The following PPP2R5D variants were observed in gnomAD, a reference collection of about 807,000 sequenced individuals.
The protein encoded by PPP2R5D is protein phosphatase 2 regulatory subunit B'delta.
Under a neutral mutation model 79.1 loss-of-function variants are expected in PPP2R5D, and 12 were observed. That is an observed-to-expected ratio of 0.15 (90% CI 0.10 to 0.25). PPP2R5D has a LOEUF of 0.25. Among genes scored for constraint, PPP2R5D ranks in the 10% least tolerant of loss-of-function variants. The pLI, the probability that PPP2R5D is intolerant of heterozygous loss-of-function variation, is 1.00. For missense variants in PPP2R5D, 419 were observed against 760.2 expected, an observed-to-expected ratio of 0.55 and a Z score of 5.28; for synonymous variants, 277 against 286.6, an observed-to-expected ratio of 0.97 and a Z score of 0.34.
intron 2 of PPP2R5D, among the ~76,000 whole-genome samples, chr6:43,005,407 C>T (rs1389192176): frequency 6.6e-6 from 1 of 152,006 alleles, no homozygotes; most frequent in Non-Finnish European, 1.5e-5. Context: ...CCTTGAGTAG[C>T]TGGAACTCCA....
At chr6:43,000,967 C>T (rs1346331396) in intron 2 of PPP2R5D, among the ~76,000 whole-genome samples, 3 of 152,142 alleles carry the variant, frequency 2.0e-5, no homozygotes, top group Admixed American at 6.5e-5. Context: ...GGGAATGACA[C>T]ATGAAGAGAC....
intron 2 of PPP2R5D, among the ~76,000 whole-genome samples, chr6:43,001,784 G>A (rs1772227982): frequency 6.6e-6 from 1 of 151,892 alleles, no homozygotes; most frequent in South Asian, 2.1e-4. Context: ...CTACTCCGGA[G>A]GCTGAGGCAG....
At chr6:43,004,440 T>C (rs915956499) in intron 2 of PPP2R5D, among the ~76,000 whole-genome samples, 3 of 152,214 alleles carry the variant, frequency 2.0e-5, no homozygotes, top group Non-Finnish European at 2.9e-5. Flanking sequence ...TGTTCAGATA[T>C]TACTACTATT....
Position 43,009,568 on chromosome 6 carries a change from C to G in PPP2R5D, c.1379+119C>G. The G allele has an allele frequency of 7.1e-7, 1 of 1,399,622 alleles. No individual in the cohort carries two copies. The highest frequency in any genetic ancestry group is 9.8e-7 in the Non-Finnish European group (1 of 1,016,292). 86.7% of individuals were successfully genotyped at this position (1,399,622 alleles called of 1,614,324 possible). A position where few individuals can be genotyped will look rare whatever the true frequency, so the allele number is the denominator to read the frequency against. ...ACCCAGCAAGTGGGGCTGATGTCCC[C>G]TGCATGTTGATAGGACCTTGAGGGG... On this transcript the variant is annotated intron_variant, in intron 12 of 15. Coordinates refer to ENST00000485511, the MANE Select transcript of PPP2R5D (RefSeq NM_006245.4). The surrounding 1 kb of genome is among the most constrained non-coding windows in gnomAD (Gnocchi z 5.6).
Position 42,984,700 on chromosome 6 carries a change from A to G in PPP2R5D, c.23A>G (p.Glu8Gly). MPYKLKK[E>G]KEPPKVAKCT... is the part of the protein sequence containing the mutation. ...GAGATGCCCTATAAACTGAAAAAGGAGAAGGTGAGCGTGGCCCTTTTTCCC... is the reference window on the plus strand; with the variant it reads ...GAGATGCCCTATAAACTGAAAAAGGGGAAGGTGAGCGTGGCCCTTTTTCCC... Residue 8 changes from glutamate (E) to glycine (G), a missense_variant, in exon 1 of 16, where the codon GAG becomes GGG. By Grantham distance (98) the Glu-to-Gly change is moderately conservative. Transcript: ENST00000485511. 1.2e-6 allele frequency: 2 copies of G among 1,612,212 alleles called. No individual in the cohort carries two copies. The highest frequency in any genetic ancestry group is 1.1e-5 in the South Asian group (1 of 90,792).
chr6:43,011,087 G>A (rs891592127), intron 15 of PPP2R5D, 62 bp from the exon 16 acceptor site: 18 of 1,611,952 alleles, frequency 1.1e-5, no homozygotes, highest in South Asian at 6.6e-5. Flanking sequence ...ATAAGGGGAC[G>A]GAACAATAGA....
In PPP2R5D at chr6:43,009,840, C is replaced by CGG. The variant is rs1561852155; in HGVS notation, c.1379+393_1379+394dup. Among the ~76,000 whole-genome samples, 1 of 152,078 alleles carries CGG rather than the reference C, an allele frequency of 6.6e-6. No homozygotes were observed. Reference sequence around the variant, plus strand: ...CTAGCACTTTGGGAGGCTGGCAAGGCGGGTGGATCACGAGGTCAGGAGTTT... The same window carrying CGG: ...CTAGCACTTTGGGAGGCTGGCAAGGCGGGGGTGGATCACGAGGTCAGGAGTTT... On this transcript the variant is annotated intron_variant, in intron 12 of 15. Coordinates refer to ENST00000485511, the MANE Select transcript of PPP2R5D (RefSeq NM_006245.4). The surrounding 1 kb of genome is among the most constrained non-coding windows in gnomAD (Gnocchi z 5.6).
intron 2 of PPP2R5D, among the ~76,000 whole-genome samples, chr6:42,998,646 C>T (rs1286024575): frequency 6.6e-6 from 1 of 152,142 alleles, no homozygotes; most frequent in Non-Finnish European, 1.5e-5. Flanking sequence ...ACCTGTAATC[C>T]CAGCACTTTG....
chr6:42,990,875 A>G (rs1348868439), intron 2 of PPP2R5D, among the ~76,000 whole-genome samples: 2 of 151,398 alleles, frequency 1.3e-5, no homozygotes, highest in Non-Finnish European at 2.9e-5. Context: ...ATGCTTGGCT[A>G]ATTTTTTTGT....
chr6:43,011,108 A>G, intron 15 of PPP2R5D, 41 bp from the exon 16 acceptor site: 1 of 1,613,670 alleles, frequency 6.2e-7, no homozygotes, highest in Non-Finnish European at 8.5e-7. Context: ...ATTCACTGGG[A>G]ATTGGTCACC....
chr6:42,996,989 A>G (rs1282188433), intron 2 of PPP2R5D, among the ~76,000 whole-genome samples: 1 of 151,826 alleles, frequency 6.6e-6, no homozygotes, highest in Non-Finnish European at 1.5e-5. Flanking sequence ...CTTAAATTAT[A>G]TTGTTATCTC....
At chr6:42,991,678 G>C (rs1771275773) in intron 2 of PPP2R5D, among the ~76,000 whole-genome samples, 2 of 152,340 alleles carry the variant, frequency 1.3e-5, no homozygotes, top group African/African-American at 4.8e-5. Context: ...GAGTGAACGA[G>C]TGAATGAACA....
intron 2 of PPP2R5D, among the ~76,000 whole-genome samples, chr6:43,004,179 G>C (rs4714653): frequency 0.26 from 40,141 of 151,790 alleles, 8,124 homozygotes; most frequent in African/African-American, 0.57. Flanking sequence ...CCCACCACCA[G>C]GCCTGGCTAA....
chr6:42,987,506 T>C (rs1302555676), intron 1 of PPP2R5D, among the ~76,000 whole-genome samples: 1 of 152,196 alleles, frequency 6.6e-6, no homozygotes, highest in Non-Finnish European at 1.5e-5. Flanking sequence ...ATTGTCATCA[T>C]CTAATAGATG....
In PPP2R5D at chr6:43,006,104, A is replaced by C. The variant is rs905562437; in HGVS notation, c.106-359A>C. On this transcript the variant is annotated intron_variant, in intron 2 of 15. Transcript: ENST00000485511. This position sits in a 1 kb window ranked among gnomAD's most constrained non-coding sequence, Gnocchi z 4.7. ...TTATTCCTCATGTGTCTTCTTATTC[A>C]TCATGTGTCTTCTTAGCAATACCCA... is the stretch of plus-strand genomic sequence containing the variant. 1.4e-4 allele frequency among the ~76,000 whole-genome samples: 21 copies of C among 152,146 alleles called. No individual in the cohort carries two copies. The highest frequency in any genetic ancestry group is 2.9e-4 in the Non-Finnish European group (20 of 68,014).
At position 43,008,270 on chromosome 6, in the gene PPP2R5D, C is replaced by G. The variant is rs370250232; in HGVS notation, c.917+10C>G. The stretch of plus-strand genomic sequence containing the variant: ...TGGAGATCCTGGGCAGGTGAGAGGC[C>G]GGGTGGGGGCACAGATGCCTGAAAA... On this transcript the variant is annotated intron_variant, in intron 8 of 15. Coordinates refer to ENST00000485511, the MANE Select transcript of PPP2R5D (RefSeq NM_006245.4). This position sits in a 1 kb window ranked among gnomAD's most constrained non-coding sequence, Gnocchi z 4.2. 2.5e-6 allele frequency: 4 copies of G among 1,614,114 alleles called. No homozygotes were observed. Among genetic ancestry groups the G allele is most frequent in the Non-Finnish European group, 3.4e-6 (4 of 1,180,030 alleles).
chr6:43,005,508 G>A (rs1016980279), intron 2 of PPP2R5D, among the ~76,000 whole-genome samples: 16 of 152,102 alleles, frequency 1.1e-4, no homozygotes, highest in African/African-American at 3.6e-4. Context: ...GTCTTGCTAC[G>A]TTGTTCAGGC....
At position 43,006,299 on chromosome 6, in the gene PPP2R5D, A is replaced by G. The variant is rs1316792737; in HGVS notation, c.106-164A>G. On this transcript the variant is annotated intron_variant, in intron 2 of 15. Transcript: ENST00000485511. This position sits in a 1 kb window ranked among gnomAD's most constrained non-coding sequence, Gnocchi z 4.7. ...TTCTTGACTGCTCCCTGCCAGGGCT[A>G]CAGCACAGTTATCTCTGTAACCCTG... 1 of 1,303,880 alleles carries G rather than the reference A, an allele frequency of 7.7e-7. No homozygotes were observed. The highest frequency in any genetic ancestry group is 1.0e-6 in the Non-Finnish European group (1 of 981,378). The allele number at this position is 1,303,880 out of a possible 1,614,324, so 80.8% of individuals were successfully genotyped here.
Position 43,008,095 on chromosome 6 carries a change from A to G in PPP2R5D, c.857+30A>G. ...GGCCAGGAGCCCAGGCTTAGGAGCA[A>G]AACCTTCTGCTACTGAGGTGGGGTG... On this transcript the variant is annotated intron_variant, in intron 7 of 15. Coordinates refer to ENST00000485511, the MANE Select transcript of PPP2R5D (RefSeq NM_006245.4). The surrounding 1 kb of genome is among the most constrained non-coding windows in gnomAD (Gnocchi z 4.2). The G allele has an allele frequency of 6.2e-7, 1 of 1,613,914 alleles. No homozygotes were observed. Among genetic ancestry groups the G allele is most frequent in the Non-Finnish European group, 8.5e-7 (1 of 1,179,828 alleles).
Sources: gnomAD v4.1 joint callset for allele counts (sites outside exome capture counted in the v4.1 genomes callset) on GRCh38, gnomAD v4.1.1 for gene constraint, Gnocchi (gnomAD v3.1) non-coding constraint, MANE v1.5 for transcripts, NCBI Gene and HGNC (gene_info 2026-07-23, HGNC 2026-07-21) for gene names.